Variants in CLEC10A observed in about 807,000 individuals in gnomAD.
CLEC10A encodes the protein C-type lectin domain family 10 member A.
In CLEC10A, 38 loss-of-function variants were observed where a neutral mutation model predicts 42.0. That is an observed-to-expected ratio of 0.90 (90% CI 0.70 to 1.18). The LOEUF is 1.18. Ranked by LOEUF, CLEC10A falls within the 50% of genes most tolerant of loss-of-function variation. The pLI is 0.00. For missense variants in CLEC10A, 298 were observed against 345.9 expected (o/e 0.86, Z 1.10); for synonymous variants, 126 against 139.9 (o/e 0.90, Z 0.70).
rs768240141 is a variant in CLEC10A, at chr17:7,076,897, G to T, written c.275C>A (p.Ser92Tyr). 1.9e-6 allele frequency: 3 copies of T among 1,613,966 alleles called. No individual in the cohort carries two copies. Among genetic ancestry groups the T allele is most frequent in the Non-Finnish European group, 2.5e-6 (3 of 1,179,942 alleles). ...CCCATCCAAACCAGACTCACCCTGGGAAGTCAGTGCCTGGATCTCCGCCAC... is the reference window on the plus strand; with the variant it reads ...CCCATCCAAACCAGACTCACCCTGGTAAGTCAGTGCCTGGATCTCCGCCAC... Reference protein sequence around the residue: ...NTVAEIQALTSQGSSLEETIA... With the variant: ...NTVAEIQALTYQGSSLEETIA... Residue 92 changes from serine to tyrosine, a missense_variant, in exon 4 of 9, where the codon TCC (serine) becomes TAC (tyrosine). Ser to Tyr is a moderately radical substitution (Grantham distance 144). Coordinates refer to ENST00000416562, the MANE Select transcript of CLEC10A (RefSeq NM_001330070.2).
chr17:7,078,553 A>G (rs1227822306), intron 2 of CLEC10A, 193 bp downstream of exon 2: 6 of 610,206 alleles, frequency 9.8e-6, no homozygotes, highest in Admixed American at 2.9e-5. Context: ...AGCTGGGTCC[A>G]CTGTGATCCT....
rs896997143 is a variant in CLEC10A at position 7,076,905 on chromosome 17, T to G, written c.267A>C (p.Ala89=). 4.8e-5 allele frequency: 78 copies of G among 1,613,878 alleles called. No individual in the cohort carries two copies. Among genetic ancestry groups the G allele is most frequent in the Non-Finnish European group, 6.3e-5 (74 of 1,179,964 alleles). ...FTSNTVAEIQ[A]LTSQGSSLEE... ...AACCAGACTCACCCTGGGAAGTCAG[T>G]GCCTGGATCTCCGCCACAGTGTTTG... Residue 89 remains alanine, a synonymous_variant, in exon 4 of 9, where the codon GCA becomes GCC. Coordinates refer to ENST00000416562, the MANE Select transcript of CLEC10A (RefSeq NM_001330070.2).
rs746142208 is a variant in CLEC10A at position 7,077,029 on chromosome 17, G to A, written c.185-42C>T. On this transcript the variant is annotated intron_variant, in intron 3 of 8. Transcript: ENST00000416562. Reference sequence around the variant, plus strand: ...GAAGGTCAGTGCTGGGATTCATCAGGTCCTCTGTACCAGCACCGAGCAGGG... The same window carrying A: ...GAAGGTCAGTGCTGGGATTCATCAGATCCTCTGTACCAGCACCGAGCAGGG... 2.8e-6 allele frequency: 4 copies of A among 1,418,484 alleles called. No individual in the cohort carries two copies. In the African/African-American group the frequency reaches 5.6e-5, roughly 20 times the overall value. The allele number at this position is 1,418,484 out of a possible 1,614,324, so 87.9% of individuals were successfully genotyped here.
intron 3 of CLEC10A, among the ~76,000 whole-genome samples, chr17:7,077,354 C>CATCA (rs1567745571): frequency 1.0e-4 from 15 of 145,084 alleles, no homozygotes; most frequent in Admixed American, 2.1e-4. Context: ...ATCAGTGCTC[C>CATCA]GACCACTGTT....
chr17:7,076,645 G>A, intron 5 of CLEC10A, 88 bp downstream of exon 5: 1 of 1,412,540 alleles, frequency 7.1e-7, no homozygotes, highest in Non-Finnish European at 1.0e-6. Flanking sequence ...GGCTGAAGGG[G>A]AGGGCAGTTC....
At chr17:7,078,230 G>A (rs993111830) in intron 2 of CLEC10A, 117 bp from the exon 3 acceptor site, 12 of 703,092 alleles carry the variant, frequency 1.7e-5, no homozygotes, top group Admixed American at 1.4e-4. Context: ...CCAGGGGAGG[G>A]TTGGACAAGG....
At position 7,075,385 on chromosome 17, in the gene CLEC10A, C is replaced by T. The variant is rs1337787876; in HGVS notation, c.676G>A (p.Gly226Arg). Residue 226 changes from glycine (G) to arginine (R), a missense_variant, in exon 8 of 9, where the codon GGA (glycine) becomes AGA (arginine). Transcript: ENST00000416562. ...TGGAAGCCGGTCGCATAGTCTGTTC[C>T]ATCCACCCACTTCCAGGCTCCTTCA... ...DPEGAWKWVDGTDYATGFQNW... is the reference protein window; with the variant it reads ...DPEGAWKWVDRTDYATGFQNW... 6.6e-7 allele frequency: 1 copy of T among 1,520,360 alleles called. No individual in the cohort carries two copies. The highest frequency in any genetic ancestry group is 1.3e-5 in the South Asian group (1 of 74,522). 94.2% of individuals were successfully genotyped at this position (1,520,360 alleles called of 1,614,324 possible).
chr17:7,078,213 G>T, intron 2 of CLEC10A, 100 bp from the exon 3 acceptor site: 1 of 784,924 alleles, frequency 1.3e-6, no homozygotes, highest in Non-Finnish European at 2.1e-6. Flanking sequence ...GCTGGGCACA[G>T]GGGACTCCAG....
At chr17:7,075,646 C>T (rs746296487) in intron 7 of CLEC10A, 85 bp downstream of exon 7, 1 of 1,593,610 alleles carries the variant, frequency 6.3e-7, no homozygotes, top group East Asian at 2.2e-5. Context: ...TGGAAGCTCC[C>T]AGATGATTCC....
Position 7,075,870 on chromosome 17 carries a change from G to A in CLEC10A, c.455C>T (p.Thr152Ile), listed in dbSNP as rs200740525. The stretch of plus-strand genomic sequence containing the variant: ...CTCCACCCAGTTGACAGGGCAGCAG[G>A]TCCCTTCAGTGGAGGCTGATTGGGG... ...TLNNNASTEGTCCPVNWVEHQ... is the reference protein window; with the variant it reads ...TLNNNASTEGICCPVNWVEHQ... The change falls in exon 7 of 9, where the codon ACC becomes ATC. Residue 152 changes from threonine to isoleucine, a missense_variant. Transcript: ENST00000416562. 3 of 1,611,742 alleles carry A rather than the reference G, an allele frequency of 1.9e-6. No individual in the cohort carries two copies. Among genetic ancestry groups the A allele is most frequent in the Admixed American group, 1.7e-5 (1 of 59,838 alleles).
At chr17:7,076,233 T>A in intron 5 of CLEC10A, 162 bp from the exon 6 acceptor site, 1 of 1,328,368 alleles carries the variant, frequency 7.5e-7, no homozygotes, top group African/African-American at 1.6e-5. Context: ...CCATCAAATC[T>A]GCTTTGGATT....
intron 5 of CLEC10A, among the ~76,000 whole-genome samples, chr17:7,076,522 C>A (rs1911761350): frequency 6.6e-6 from 1 of 151,920 alleles, no homozygotes; most frequent in African/African-American, 2.4e-5. Context: ...CCATGTCGAT[C>A]AGGCTGCTCT....
In CLEC10A at chr17:7,075,449, A is replaced by G. The variant is rs1439269209; in HGVS notation, c.612T>C (p.Tyr204=). The change falls in exon 8 of 9, where the codon TAT becomes TAC. Residue 204 remains tyrosine, a synonymous_variant. Transcript: ENST00000416562. Reference sequence around the variant, plus strand: ...CCATCCAGGTGTATGCGGAGCCTAGATATTTCTGGACAAAATTCTGCGGTG... The same window carrying G: ...CCATCCAGGTGTATGCGGAGCCTAGGTATTTCTGGACAAAATTCTGCGGTG... The part of the protein sequence containing the change: ...SREEQNFVQK[Y]LGSAYTWMGL... 3 of 1,530,866 alleles carry G rather than the reference A, an allele frequency of 2.0e-6. No homozygotes were observed. Among genetic ancestry groups the G allele is most frequent in the Non-Finnish European group, 2.6e-6 (3 of 1,142,514 alleles). The allele number at this position is 1,530,866 out of a possible 1,614,324, so 94.8% of individuals were successfully genotyped here.
Position 7,078,873 on chromosome 17 carries a change from G to C in CLEC10A, c.-61C>G. 1 of 1,525,938 alleles carries C rather than the reference G, an allele frequency of 6.6e-7. No homozygotes were observed. The highest frequency in any genetic ancestry group is 2.2e-5 in the East Asian group (1 of 44,450). 94.5% of individuals were successfully genotyped at this position (1,525,938 alleles called of 1,614,324 possible). A position where few individuals can be genotyped will look rare whatever the true frequency, so the allele number is the denominator to read the frequency against. On this transcript the variant is annotated 5_prime_UTR_variant, in exon 2 of 9. Coordinates refer to ENST00000416562, the MANE Select transcript of CLEC10A (RefSeq NM_001330070.2). Reference sequence around the variant, plus strand: ...GAAATGGAGGCAGGGCCGGCGCCCAGTCTGGGGTGGAGCTGGGGAATAGGA... The same window carrying C: ...GAAATGGAGGCAGGGCCGGCGCCCACTCTGGGGTGGAGCTGGGGAATAGGA...
chr17:7,075,375 T>G lies in CLEC10A; in HGVS notation c.686A>C (p.Tyr229Ser), dbSNP rs1007269983. 6.6e-7 allele frequency: 1 copy of G among 1,515,748 alleles called. No individual in the cohort carries two copies. Among genetic ancestry groups the G allele is most frequent in the South Asian group, 1.3e-5 (1 of 74,088 alleles). 93.9% of individuals were successfully genotyped at this position (1,515,748 alleles called of 1,614,324 possible). The change falls in exon 8 of 9, where the codon TAT becomes TCT. Residue 229 changes from tyrosine (Y) to serine (S), a missense_variant. By Grantham distance (144) the Tyr-to-Ser change is moderately radical. Around this residue, in one of 3 missense-constraint regions of CLEC10A, gnomAD observed 267 missense variants for 289.5 expected, o/e 0.92. Transcript: ENST00000416562. ...GTGCACTCACTGGAAGCCGGTCGCATAGTCTGTTCCATCCACCCACTTCCA... is the reference window on the plus strand; with the variant it reads ...GTGCACTCACTGGAAGCCGGTCGCAGAGTCTGTTCCATCCACCCACTTCCA... Reference protein sequence around the residue: ...GAWKWVDGTDYATGFQNWKPG... With the variant: ...GAWKWVDGTDSATGFQNWKPG...
Position 7,078,083 on chromosome 17 carries a change from C to G in CLEC10A, c.98G>C (p.Arg33Pro), listed in dbSNP as rs200835319. Residue 33 changes from arginine (R) to proline (P), a missense_variant, in exon 3 of 9, where the codon CGT becomes CCT. Arg to Pro is a moderately radical substitution (Grantham distance 103, BLOSUM62 -2). Around this residue, in one of 3 missense-constraint regions of CLEC10A, gnomAD observed 27 missense variants for 37.0 expected, o/e 0.73. Transcript: ENST00000416562. The part of the protein sequence containing the change: ...GPLPLQSLLQ[R>P]LCSGPCHLLL... ...GAGATGGCAGGGCCCAGAGCAGAGA[C>G]GCTGCAGGAGGGACTGGAGAGGAAG... 51 of 1,613,534 alleles carry G rather than the reference C, an allele frequency of 3.2e-5. No homozygotes were observed. In the Admixed American group the frequency reaches 8.3e-4, roughly 26 times the overall value.
At position 7,078,080 on chromosome 17, in the gene CLEC10A, A is replaced by T. The variant is rs752380107; in HGVS notation, c.101T>A (p.Leu34His). The change falls in exon 3 of 9, where the codon CTC (leucine) becomes CAC (histidine). Residue 34 changes from leucine to histidine, a missense_variant. This residue lies in a region of CLEC10A where 27 missense variants were observed against 37.0 expected (regional missense o/e 0.73). Transcript: ENST00000416562. ...CAGGAGATGGCAGGGCCCAGAGCAG[A>T]GACGCTGCAGGAGGGACTGGAGAGG... is the stretch of plus-strand genomic sequence containing the variant. ...PLPLQSLLQR[L>H]CSGPCHLLLS... 2.8e-5 allele frequency: 45 copies of T among 1,613,600 alleles called. No individual in the cohort carries two copies. In the East Asian group the frequency reaches 9.8e-4, roughly 35 times the overall value.
At chr17:7,076,436 T>G (rs928574163) in intron 5 of CLEC10A, among the ~76,000 whole-genome samples, 1 of 149,638 alleles carries the variant, frequency 6.7e-6, no homozygotes, top group African/African-American at 2.5e-5. Context: ...TCAGCCTCCC[T>G]AGTAGCTGAG....
Position 7,076,020 on chromosome 17 carries a change from T to C in CLEC10A, c.404A>G (p.Lys135Arg). ...RVQQLVQDLK[K>R]LTCQVATLNN... Reference sequence around the variant, plus strand: ...GAGAGTAGCCACCTGGCAGGTCAGTTTCTTCAGGTCTTGCACCAGCTGCTG... The same window carrying C: ...GAGAGTAGCCACCTGGCAGGTCAGTCTCTTCAGGTCTTGCACCAGCTGCTG... The change falls in exon 6 of 9, where the codon AAA (lysine) becomes AGA (arginine). Residue 135 changes from lysine to arginine, a missense_variant. Lys to Arg is a conservative substitution (Grantham distance 26). This residue lies in a region of CLEC10A where 267 missense variants were observed against 289.5 expected (regional missense o/e 0.92). Coordinates refer to ENST00000416562, the MANE Select transcript of CLEC10A (RefSeq NM_001330070.2). The C allele has an allele frequency of 6.2e-7, 1 of 1,614,198 alleles. No individual in the cohort carries two copies.
Sources: allele counts gnomAD v4.1 joint callset (sites outside exome capture counted in the v4.1 genomes callset), GRCh38; gene constraint gnomAD v4.1.1; regional missense constraint gnomAD v4.1.1; transcripts MANE v1.5; gene names NCBI Gene and HGNC (gene_info 2026-07-23, HGNC 2026-07-21).